The following CHRNA9 variants were observed in gnomAD, a reference collection of about 807,000 sequenced individuals.
CHRNA9 encodes the protein neuronal acetylcholine receptor subunit alpha-9.
Under a neutral mutation model 36.8 loss-of-function variants are expected in CHRNA9, and 24 were observed. The observed-to-expected ratio is 0.65, with a 90% confidence interval of 0.47 to 0.92. The LOEUF (loss-of-function observed/expected upper bound fraction) is 0.92. Ranked by LOEUF, CHRNA9 falls within the 40% of genes least tolerant of loss-of-function variation. The pLI, the probability that CHRNA9 is intolerant of heterozygous loss-of-function variation, is 0.00. For synonymous variants in CHRNA9, 231 were observed against 231.8 expected, an observed-to-expected ratio of 1.00 and a Z score of 0.03; for missense variants, 610 against 601.2, an observed-to-expected ratio of 1.01 and a Z score of -0.15.
At chr4:40,335,722 C>T (rs1285296660) in intron 1 of CHRNA9, 105 bp from the exon 2 acceptor site, 13 of 1,205,180 alleles carry the variant, frequency 1.1e-5, no homozygotes, top group Admixed American at 7.3e-5. Flanking sequence ...GCTTGTCCCT[C>T]GCCAGTGTTG....
intron 4 of CHRNA9, among the ~76,000 whole-genome samples, chr4:40,352,047 T>C (rs9968287): frequency 0.13 from 19,151 of 152,212 alleles, 1,235 homozygotes; most frequent in Middle Eastern, 0.15. Flanking sequence ...ACTATTTGTT[T>C]CTTGAAAGTT....
At chr4:40,350,726 A>ACACC (rs1453479700) in intron 4 of CHRNA9, among the ~76,000 whole-genome samples, 2 of 148,156 alleles carry the variant, frequency 1.3e-5, no homozygotes, top group South Asian at 2.2e-4. Flanking sequence ...ACACACACAC[A>ACACC]CCTCTCTTTT....
At chr4:40,353,817 C>A (rs1330748347) in intron 4 of CHRNA9, among the ~76,000 whole-genome samples, 162 bp from the exon 5 acceptor site, 1 of 152,182 alleles carries the variant, frequency 6.6e-6, no homozygotes, top group Non-Finnish European at 1.5e-5. Context: ...AAGGCTAGAC[C>A]ATTTAGGTTT....
chr4:40,353,556 G>A (rs191298321), intron 4 of CHRNA9, among the ~76,000 whole-genome samples: 1 of 152,052 alleles, frequency 6.6e-6, no homozygotes, highest in Admixed American at 6.5e-5. Context: ...AAGGGTGTTT[G>A]TTTCTTTTTA....
Position 40,335,906 on chromosome 4 carries a change from A to C in CHRNA9, c.144A>C (p.Pro48=), listed in dbSNP as rs902191804. Reference sequence around the variant, plus strand: ...AAGATTATTCTAATGCTCTTCGTCCAGTGGAAGATACAGATAAAGTCCTGA... The same window carrying C: ...AAGATTATTCTAATGCTCTTCGTCCCGTGGAAGATACAGATAAAGTCCTGA... ...LFEDYSNALR[P]VEDTDKVLNV... is the part of the protein sequence containing the mutation. The change falls in exon 2 of 5, where the codon CCA becomes CCC. Residue 48 remains proline, a synonymous_variant. Coordinates refer to ENST00000310169, the MANE Select transcript of CHRNA9 (RefSeq NM_017581.4). 1.2e-6 allele frequency: 2 copies of C among 1,612,088 alleles called. No homozygotes were observed. Among genetic ancestry groups the C allele is most frequent in the Admixed American group, 3.3e-5 (2 of 60,008 alleles).
At position 40,337,222 on chromosome 4, in the gene CHRNA9, C is replaced by A; in HGVS notation, c.223C>A (p.Gln75Lys). 6.2e-7 allele frequency: 1 copy of A among 1,614,106 alleles called. No homozygotes were observed. The highest frequency in any genetic ancestry group is 1.1e-5 in the South Asian group (1 of 91,068). Residue 75 changes from glutamine to lysine, a missense_variant, in exon 3 of 5, where the codon CAA becomes AAA. Physicochemically the swap from Gln to Lys is moderately conservative, Grantham distance 53 (BLOSUM62 1). Coordinates refer to ENST00000310169, the MANE Select transcript of CHRNA9 (RefSeq NM_017581.4). ...SQIKDMDERN[Q>K]ILTAYLWIRQ... ...ATTCATTGTGTAGGATGAAAGAAAC[C>A]AAATTCTGACTGCTTATTTGTGGAT...
chr4:40,343,801 G>T (rs546351232), intron 3 of CHRNA9, among the ~76,000 whole-genome samples: 13 of 152,280 alleles, frequency 8.5e-5, no homozygotes, highest in Non-Finnish European at 1.6e-4. Flanking sequence ...ATACATATTG[G>T]CCACTTACTA....
Position 40,354,696 on chromosome 4 carries a change from A to T in CHRNA9, c.*176A>T, listed in dbSNP as rs1221109512. On this transcript the variant is annotated 3_prime_UTR_variant, in exon 5 of 5. Transcript: ENST00000310169. ...TCTGCTCTGTTAAATTAAGCAGAAG[A>T]ACCAAAATTTCAAGGGTAGGAAGAT... is the stretch of plus-strand genomic sequence containing the variant. 10 of 621,412 alleles carry T rather than the reference A, an allele frequency of 1.6e-5. No individual in the cohort carries two copies. Among genetic ancestry groups the T allele is most frequent in the Non-Finnish European group, 2.5e-5 (9 of 365,334 alleles). The allele number at this position is 621,412 out of a possible 1,614,324, so 38.5% of individuals were successfully genotyped here. A position where few individuals can be genotyped will look rare whatever the true frequency, so the allele number is the denominator to read the frequency against.
intron 4 of CHRNA9, 156 bp downstream of exon 4, chr4:40,349,570 T>C (rs1712737770): frequency 1.5e-6 from 1 of 667,628 alleles, no homozygotes; most frequent in Non-Finnish European, 2.6e-6. Flanking sequence ...GTTAGCATCT[T>C]TCAATATAGA....
intron 4 of CHRNA9, among the ~76,000 whole-genome samples, chr4:40,351,761 G>A (rs964255138): frequency 5.3e-5 from 8 of 152,052 alleles, no homozygotes; most frequent in Admixed American, 2.0e-4. Context: ...TCTTTTACTC[G>A]TCAATGTCGT....
chr4:40,349,307 C>T lies in CHRNA9; in HGVS notation c.791C>T (p.Ala264Val). 1.2e-6 allele frequency: 2 copies of T among 1,614,166 alleles called. No homozygotes were observed. Among genetic ancestry groups the T allele is most frequent in the East Asian group, 2.2e-5 (1 of 44,892 alleles). The part of the protein sequence containing the change: ...LAPLSFYLPA[A>V]SGEKVSLGVT... ...CCTCTGAGTTTTTATCTCCCAGCAG[C>T]CTCCGGAGAAAAGGTCTCCCTGGGA... The change falls in exon 4 of 5, where the codon GCC becomes GTC. Residue 264 changes from alanine to valine, a missense_variant. Transcript: ENST00000310169.
At chr4:40,352,097 A>C (rs9968322) in intron 4 of CHRNA9, among the ~76,000 whole-genome samples, 20,832 of 152,248 alleles carry the variant, frequency 0.14, 1,441 homozygotes, top group Middle Eastern at 0.16. Flanking sequence ...GGCCTGGAAC[A>C]TTTGGTAGGG....
At chr4:40,340,168 C>A (rs937997936) in intron 3 of CHRNA9, among the ~76,000 whole-genome samples, 2 of 152,162 alleles carry the variant, frequency 1.3e-5, no homozygotes, top group Non-Finnish European at 2.9e-5. Flanking sequence ...TTCACACAAG[C>A]CTAGTGTGGC....
At chr4:40,336,061 T>C in intron 2 of CHRNA9, 89 bp downstream of exon 2, 2 of 1,134,740 alleles carry the variant, frequency 1.8e-6, no homozygotes, top group Non-Finnish European at 2.6e-6. Context: ...ACTGGGAATT[T>C]GAGAGGGAAT....
At chr4:40,353,047 C>T (rs750017139) in intron 4 of CHRNA9, among the ~76,000 whole-genome samples, 106 of 152,280 alleles carry the variant, frequency 7.0e-4, no homozygotes, top group Non-Finnish European at 1.3e-3. Context: ...ATTATTATTA[C>T]ACCCACCACT....
intron 4 of CHRNA9, chr4:40,349,790 C>T (rs1204952120): frequency 5.3e-6 from 1 of 190,256 alleles, no homozygotes; most frequent in Non-Finnish European, 1.1e-5. Context: ...GCCCTGGCAT[C>T]CTGTTTTAAC....
chr4:40,353,320 CT>C (rs1712856062), intron 4 of CHRNA9, among the ~76,000 whole-genome samples: 1 of 152,010 alleles, frequency 6.6e-6, no homozygotes, highest in Non-Finnish European at 1.5e-5. Context: ...GCGAAACCCC[CT>C]CTCTACTAAA....
At position 40,335,457 on chromosome 4, in the gene CHRNA9, T is replaced by C; in HGVS notation, c.-11T>C. On this transcript the variant is annotated 5_prime_UTR_variant, in exon 1 of 5. Transcript: ENST00000310169. ...CTGACTGAGACTTTATTATAGAGGC[T>C]CAGGAAAAAGATGAACTGGTCCCAT... The C allele has an allele frequency of 6.2e-7, 1 of 1,609,238 alleles. No individual in the cohort carries two copies. Among genetic ancestry groups the C allele is most frequent in the Non-Finnish European group, 8.5e-7 (1 of 1,175,446 alleles).
intron 3 of CHRNA9, among the ~76,000 whole-genome samples, chr4:40,347,562 CT>C (rs1276520574): frequency 1.5e-4 from 23 of 151,978 alleles, no homozygotes; most frequent in Non-Finnish European, 3.1e-4. Context: ...TTTTTTTTCC[CT>C]TTTATTTTTT....
Sources: allele counts gnomAD v4.1 joint callset (sites outside exome capture counted in the v4.1 genomes callset), GRCh38; gene constraint gnomAD v4.1.1; transcripts MANE v1.5; gene names NCBI Gene and HGNC (gene_info 2026-07-23, HGNC 2026-07-21).